The following PDE1A variants were observed in gnomAD, a reference collection of about 807,000 sequenced individuals.
PDE1A encodes dual specificity calcium/calmodulin-dependent 3',5'-cyclic nucleotide phosphodiesterase 1A.
A neutral mutation model predicts 61.7 loss-of-function variants in PDE1A; 35 were observed. The observed-to-expected ratio is 0.57, with a 90% confidence interval of 0.43 to 0.75. The LOEUF (loss-of-function observed/expected upper bound fraction) is 0.75. Ranked by LOEUF, PDE1A falls within the 30% of genes least tolerant of loss-of-function variation. PDE1A has a pLI of 0.00. For missense variants in PDE1A, 597 were observed against 630.6 expected (o/e 0.95, Z 0.57); for synonymous variants, 232 against 213.2 (o/e 1.09, Z -0.77).
the PDE1A span, among the ~76,000 whole-genome samples, chr2:182,567,556 C>T: frequency 6.6e-6 from 1 of 152,024 alleles, no homozygotes; most frequent in Non-Finnish European, 1.5e-5. Flanking sequence ...AACAAAATCT[C>T]TTTACTAGGT....
the PDE1A span, among the ~76,000 whole-genome samples, chr2:182,639,228 CAG>C: frequency 6.6e-6 from 1 of 151,968 alleles, no homozygotes; most frequent in Non-Finnish European, 1.5e-5. Flanking sequence ...AAAACCTAAG[CAG>C]AGAGTAAGAA....
chr2:182,282,521 A>G (rs1281978002), intron 1 of PDE1A, among the ~76,000 whole-genome samples: 1 of 152,006 alleles, frequency 6.6e-6, no homozygotes, highest in Admixed American at 6.6e-5. Context: ...CATTCTCACC[A>G]AATTTCAACT....
At chr2:182,322,627 C>A (rs548700461) in intron 1 of PDE1A, among the ~76,000 whole-genome samples, 1 of 152,228 alleles carries the variant, frequency 6.6e-6, no homozygotes, top group South Asian at 2.1e-4. Context: ...AACACAGAAG[C>A]TGAATTCACT....
chr2:182,245,265 C>A (rs1056463201), intron 2 of PDE1A, among the ~76,000 whole-genome samples: 1 of 152,152 alleles, frequency 6.6e-6, no homozygotes, highest in Non-Finnish European at 1.5e-5. Flanking sequence ...TCTCCACCCC[C>A]ACCTTCACAG....
the PDE1A span, among the ~76,000 whole-genome samples, chr2:182,567,260 ACTGTGAAACTTCGTTTTC>A: frequency 6.6e-6 from 1 of 152,172 alleles, no homozygotes; most frequent in Non-Finnish European, 1.5e-5. Flanking sequence ...CAATTGGATG[ACTGTGAAACTTCGTTTTC>A]CTGGCATATT....
chr2:182,387,613 C>T (rs1701189601), intron 1 of PDE1A, among the ~76,000 whole-genome samples: 1 of 151,686 alleles, frequency 6.6e-6, no homozygotes, highest in African/African-American at 2.4e-5. Flanking sequence ...CAAAATTAGC[C>T]AGGTGTGGTG....
At chr2:182,656,400 T>A in the PDE1A span, among the ~76,000 whole-genome samples, 1 of 152,232 alleles carries the variant, frequency 6.6e-6, no homozygotes, top group Non-Finnish European at 1.5e-5. Flanking sequence ...TTAGCTATAA[T>A]GCACATTCTA....
At chr2:182,614,544 C>A in the PDE1A span, among the ~76,000 whole-genome samples, 1 of 147,592 alleles carries the variant, frequency 6.8e-6, no homozygotes, top group South Asian at 2.2e-4. Flanking sequence ...TTTAAAGTAA[C>A]TAGCATATCT....
chr2:182,250,272 A>C (rs1487102392), intron 2 of PDE1A, among the ~76,000 whole-genome samples: 2 of 152,214 alleles, frequency 1.3e-5, no homozygotes, highest in East Asian at 1.9e-4. Context: ...AGTTGGAGGA[A>C]GCTTGAATTT....
intron 7 of PDE1A, among the ~76,000 whole-genome samples, chr2:182,209,504 C>T (rs553099694): frequency 1.3e-5 from 2 of 151,306 alleles, no homozygotes; most frequent in African/African-American, 4.8e-5. Context: ...GTGGGGGACA[C>T]AGAGCCAAGC....
At chr2:182,506,585 G>A (rs549335096) in intron 2 of PDE1A, among the ~76,000 whole-genome samples, 10 of 152,288 alleles carry the variant, frequency 6.6e-5, no homozygotes, top group Middle Eastern at 3.4e-3. Context: ...CAGAGCTTAT[G>A]AATGTAAAAA....
At chr2:182,657,633 T>C in the PDE1A span, among the ~76,000 whole-genome samples, 1 of 152,176 alleles carries the variant, frequency 6.6e-6, no homozygotes, top group Non-Finnish European at 1.5e-5. Context: ...AAACACCTGA[T>C]AAATTTATGT....
intron 1 of PDE1A, among the ~76,000 whole-genome samples, chr2:182,297,109 ATC>A (rs757980312): frequency 2.6e-5 from 4 of 152,112 alleles, no homozygotes; most frequent in Non-Finnish European, 4.4e-5. Flanking sequence ...TCCTAAATAT[ATC>A]CTCTTGGTTC....
At chr2:182,303,584 G>A (rs929325625) in intron 1 of PDE1A, among the ~76,000 whole-genome samples, 4 of 152,144 alleles carry the variant, frequency 2.6e-5, no homozygotes, top group Admixed American at 1.3e-4. Flanking sequence ...AAGGGTAAAT[G>A]AGCATTGGCT....
At chr2:182,403,194 A>G (rs1434338328) in intron 1 of PDE1A, among the ~76,000 whole-genome samples, 1 of 152,196 alleles carries the variant, frequency 6.6e-6, no homozygotes, top group South Asian at 2.1e-4. Flanking sequence ...AAGGACTATA[A>G]ATCATTCTAG....
At chr2:182,160,374 C>G (rs914002063) in intron 13 of PDE1A, among the ~76,000 whole-genome samples, 5 of 152,080 alleles carry the variant, frequency 3.3e-5, no homozygotes, top group Non-Finnish European at 2.9e-5. Flanking sequence ...CTGGGCCACC[C>G]TCAATGTGGG....
intron 1 of PDE1A, among the ~76,000 whole-genome samples, chr2:182,334,250 T>C (rs1270088572): frequency 6.7e-6 from 1 of 149,750 alleles, no homozygotes; most frequent in East Asian, 2.0e-4. Flanking sequence ...ATAATCCTGA[T>C]ACCAAACCCT....
chr2:182,448,895 G>GTC (rs1685313014), intron 2 of PDE1A, among the ~76,000 whole-genome samples: 1 of 151,964 alleles, frequency 6.6e-6, no homozygotes, highest in Non-Finnish European at 1.5e-5. Context: ...TGGGGAAACT[G>GTC]AGACCACAAG....
chr2:182,386,886 C>T (rs546159120), intron 1 of PDE1A, among the ~76,000 whole-genome samples: 19 of 152,086 alleles, frequency 1.2e-4, no homozygotes, highest in African/African-American at 4.6e-4. Context: ...GTGAGGAGCC[C>T]CTCTGCCCGG....
Sources: allele counts gnomAD v4.1 joint callset (sites outside exome capture counted in the v4.1 genomes callset), GRCh38; gene constraint gnomAD v4.1.1; transcripts MANE v1.5; gene names NCBI Gene and HGNC (gene_info 2026-07-23, HGNC 2026-07-21).